CDH13: variants seen among roughly 807,000 people sequenced by gnomAD.
The protein encoded by CDH13 is cadherin 13.
A neutral mutation model predicts 63.8 loss-of-function variants in CDH13; 24 were observed. The ratio of observed to expected loss-of-function variants is 0.38; its 90% CI spans 0.27 to 0.53. The LOEUF (loss-of-function observed/expected upper bound fraction) is 0.53. Ranked by LOEUF, CDH13 falls within the 20% of genes least tolerant of loss-of-function variation. The probability of loss-of-function intolerance (pLI) is 0.85; values close to 1 mark genes in which losing one functional copy is unlikely to be tolerated. For missense variants in CDH13, 1,049 were observed against 903.1 expected, an observed-to-expected ratio of 1.16 and a Z score of -2.07; for synonymous variants, 503 against 355.3, an observed-to-expected ratio of 1.42 and a Z score of -4.67.
At chr16:83,603,737 G>A (rs1908068994) in intron 8 of CDH13, among the ~76,000 whole-genome samples, 1 of 152,152 alleles carries the variant, frequency 6.6e-6, no homozygotes, top group African/African-American at 2.4e-5. Flanking sequence ...AATGGCCTCT[G>A]TATTAGTTCA....
rs188779386 is a variant in CDH13 at position 83,352,727 on chromosome 16, A to T, written c.781+7721A>T. 2.8e-3 allele frequency among the ~76,000 whole-genome samples: 430 copies of T among 152,276 alleles called. 1 individual carries two copies. The highest frequency in any genetic ancestry group is 9.6e-3 in the African/African-American group (400 of 41,566). On this transcript the variant is annotated intron_variant, in intron 6 of 13. Coordinates refer to ENST00000567109, the MANE Select transcript of CDH13 (RefSeq NM_001257.5). ...AACACGGTGAAACCCCGTCTCTACT[A>T]AAAATACAAAAAATTAGCCAGGTGC...
intron 5 of CDH13, among the ~76,000 whole-genome samples, chr16:83,285,471 A>T (rs1020858838): frequency 6.6e-6 from 1 of 152,126 alleles, no homozygotes; most frequent in Non-Finnish European, 1.5e-5. Context: ...GTGGTCACAG[A>T]TATCCACAGG....
At chr16:82,980,665 A>G (rs1910142885) in intron 2 of CDH13, among the ~76,000 whole-genome samples, 1 of 152,140 alleles carries the variant, frequency 6.6e-6, no homozygotes, top group South Asian at 2.1e-4. Flanking sequence ...AACAGACTTT[A>G]AAGATTTTGG....
At chr16:83,330,759 A>C (rs2090464458) in intron 5 of CDH13, among the ~76,000 whole-genome samples, 1 of 151,944 alleles carries the variant, frequency 6.6e-6, no homozygotes, top group African/African-American at 2.4e-5. Context: ...AGCCCAAATC[A>C]CTCCTCATAC....
intron 4 of CDH13, among the ~76,000 whole-genome samples, chr16:83,179,482 A>G (rs987017745): frequency 1.2e-5 from 1 of 86,518 alleles, no homozygotes; most frequent in East Asian, 2.7e-4. Flanking sequence ...CGTCTCTACT[A>G]AAAAAAAAAA....
chr16:83,586,055 C>T (rs1289480125), intron 7 of CDH13, among the ~76,000 whole-genome samples: 2 of 152,186 alleles, frequency 1.3e-5, no homozygotes, highest in Admixed American at 1.3e-4. Context: ...GGTAACCCAC[C>T]TAAAGGGTTG....
Position 83,624,019 on chromosome 16 carries a change from G to C in CDH13, c.1101+21425G>C, listed in dbSNP as rs910143863. On this transcript the variant is annotated intron_variant, in intron 8 of 13. Transcript: ENST00000567109. ...CTGGAAGGCATTGGTACTCATCACT[G>C]GGGGAGGTTCCGGGGCTTTCCAGCT... Among the ~76,000 whole-genome samples, 84 of 152,296 alleles carry C rather than the reference G, an allele frequency of 5.5e-4. 1 individual carries two copies. Among genetic ancestry groups the C allele is most frequent in the African/African-American group, 2.0e-3 (84 of 41,560 alleles).
chr16:82,787,828 G>A (rs34110303), intron 1 of CDH13, among the ~76,000 whole-genome samples: 17,951 of 151,414 alleles, frequency 0.12, 1,258 homozygotes, highest in Non-Finnish European at 0.16. Flanking sequence ...TATGGAGGGG[G>A]GTGAAGGGAG....
At chr16:83,174,381 C>A (rs1042722772) in intron 4 of CDH13, among the ~76,000 whole-genome samples, 9 of 152,048 alleles carry the variant, frequency 5.9e-5, no homozygotes, top group Admixed American at 2.0e-4. Context: ...ATTTGTCTTT[C>A]CAATATATTC....
Position 82,962,391 on chromosome 16 carries a change from C to A in CDH13, c.158-69619C>A, listed in dbSNP as rs138695773. On this transcript the variant is annotated intron_variant, in intron 2 of 13. Transcript: ENST00000567109. Reference sequence around the variant, plus strand: ...TGACACCTTGATTTAGGTCTTCTGGCCTCCAGAGGTATGAGAGAATAAATC... The same window carrying A: ...TGACACCTTGATTTAGGTCTTCTGGACTCCAGAGGTATGAGAGAATAAATC... 4.6e-5 allele frequency among the ~76,000 whole-genome samples: 7 copies of A among 152,290 alleles called. No homozygotes were observed. In the East Asian group the frequency reaches 1.4e-3, roughly 29 times the overall value.
chr16:83,355,523 G>A (rs2091034835), intron 6 of CDH13, among the ~76,000 whole-genome samples: 1 of 152,106 alleles, frequency 6.6e-6, no homozygotes, highest in African/African-American at 2.4e-5. Flanking sequence ...TGAACAAATG[G>A]CTCCAAAGGC....
chr16:83,711,171 C>T (rs1195354808), intron 10 of CDH13, among the ~76,000 whole-genome samples: 1 of 152,196 alleles, frequency 6.6e-6, no homozygotes, highest in African/African-American at 2.4e-5. Flanking sequence ...ACTTCAGATG[C>T]AGGGAGATTT....
At chr16:83,201,895 A>G (rs1195560103) in intron 4 of CDH13, among the ~76,000 whole-genome samples, 2 of 152,184 alleles carry the variant, frequency 1.3e-5, no homozygotes, top group Non-Finnish European at 2.9e-5. Flanking sequence ...AGCCTAGGCA[A>G]CAGAGCGAGA....
intron 4 of CDH13, among the ~76,000 whole-genome samples, chr16:83,128,955 T>A (rs2035931353): frequency 6.6e-6 from 1 of 152,248 alleles, no homozygotes; most frequent in African/African-American, 2.4e-5. Context: ...ATGTTTTTTG[T>A]AGAATTACTG....
chr16:83,026,483 G>C (rs529159707), intron 2 of CDH13, among the ~76,000 whole-genome samples: 1 of 150,972 alleles, frequency 6.6e-6, no homozygotes, highest in African/African-American at 2.4e-5. Flanking sequence ...GGGTGAAATA[G>C]GTTCGAGGGT....
chr16:82,657,562 GTGAT>G (rs759817975), intron 1 of CDH13, among the ~76,000 whole-genome samples: 36 of 152,302 alleles, frequency 2.4e-4, no homozygotes, highest in African/African-American at 7.0e-4. Flanking sequence ...TTTTCAGACT[GTGAT>G]TGACCACAGT....
chr16:83,023,301 C>CCCT (rs1414885454), intron 2 of CDH13, among the ~76,000 whole-genome samples: 2 of 108,632 alleles, frequency 1.8e-5, no homozygotes, highest in African/African-American at 7.5e-5. Flanking sequence ...GTTTTCACTA[C>CCCT]CCCCCGACTC....
At chr16:82,774,568 A>G (rs1017882568) in intron 1 of CDH13, among the ~76,000 whole-genome samples, 2 of 152,182 alleles carry the variant, frequency 1.3e-5, no homozygotes, top group Non-Finnish European at 2.9e-5. Context: ...ATTTATTGAA[A>G]ATTTCCTTGG....
intron 6 of CDH13, among the ~76,000 whole-genome samples, chr16:83,452,589 C>A (rs1237875997): frequency 6.6e-6 from 1 of 151,796 alleles, no homozygotes; most frequent in Non-Finnish European, 1.5e-5. Context: ...GTTTCCTGCC[C>A]AGCAATTCTT....
Sources: allele counts gnomAD v4.1 joint callset (sites outside exome capture counted in the v4.1 genomes callset), GRCh38; gene constraint gnomAD v4.1.1; transcripts MANE v1.5; gene names NCBI Gene and HGNC (gene_info 2026-07-23, HGNC 2026-07-21).